The following SNTG1 variants were observed in gnomAD, a reference collection of about 807,000 sequenced individuals.
The protein encoded by SNTG1 is syntrophin gamma 1, also known as gamma-1-syntrophin.
In SNTG1, 39 loss-of-function variants were observed where a neutral mutation model predicts 74.7. The ratio of observed to expected loss-of-function variants is 0.52; its 90% confidence interval spans 0.40 to 0.68. The LOEUF (loss-of-function observed/expected upper bound fraction) is 0.68, where lower values mean the gene tolerates loss of function less well. Ranked by LOEUF, SNTG1 falls within the 30% of genes least tolerant of loss-of-function variation. The probability of loss-of-function intolerance (pLI) is 0.00; values close to 1 mark genes in which losing one functional copy is unlikely to be tolerated. For synonymous variants in SNTG1, 254 were observed against 217.1 expected (o/e 1.17, Z -1.49); for missense variants, 685 against 609.5 (o/e 1.12, Z -1.30).
chr8:49,958,281 C>T (rs564592658), intron 1 of SNTG1, among the ~76,000 whole-genome samples: 8 of 152,150 alleles, frequency 5.3e-5, no homozygotes, highest in South Asian at 2.1e-4. Context: ...CACATACCTG[C>T]GGACAGAATG....
intron 1 of SNTG1, among the ~76,000 whole-genome samples, chr8:50,148,776 C>A (rs1043570531): frequency 6.6e-6 from 1 of 152,200 alleles, no homozygotes; most frequent in Non-Finnish European, 1.5e-5. Context: ...ATATGTGCCA[C>A]ATTTTCTTAA....
At chr8:50,614,359 C>G (rs1296095359) in intron 13 of SNTG1, among the ~76,000 whole-genome samples, 2 of 151,814 alleles carry the variant, frequency 1.3e-5, no homozygotes, top group East Asian at 3.9e-4. Flanking sequence ...ATAAGAAGGC[C>G]TACAATTCCT....
At chr8:50,346,227 C>A (rs1483088982) in intron 2 of SNTG1, among the ~76,000 whole-genome samples, 1 of 152,246 alleles carries the variant, frequency 6.6e-6, no homozygotes. Flanking sequence ...ATTTTCCCAA[C>A]AGCATGTGCT....
chr8:50,478,837 G>A lies in SNTG1; in HGVS notation c.364-23941G>A, dbSNP rs145521605. On this transcript the variant is annotated intron_variant, in intron 8 of 18. Coordinates refer to ENST00000642720, the MANE Select transcript of SNTG1 (RefSeq NM_018967.5). Reference sequence around the variant, plus strand: ...TTCCATATATTTATTGAATAATTTTGTTGAATAAAATATTTCTCTTATAGG... The same window carrying A: ...TTCCATATATTTATTGAATAATTTTATTGAATAAAATATTTCTCTTATAGG... 6.3e-3 allele frequency among the ~76,000 whole-genome samples: 956 copies of A among 152,168 alleles called. 8 individuals carry two copies. The highest frequency in any genetic ancestry group is 7.5e-3 in the Non-Finnish European group (513 of 67,970).
chr8:50,580,823 G>A (rs1036052284), intron 12 of SNTG1, among the ~76,000 whole-genome samples: 5 of 152,142 alleles, frequency 3.3e-5, no homozygotes, highest in African/African-American at 1.2e-4. Context: ...AATAGAGTGA[G>A]AATGGACTAA....
intron 1 of SNTG1, among the ~76,000 whole-genome samples, chr8:50,047,347 T>A (rs1042711469): frequency 3.3e-5 from 5 of 151,694 alleles, no homozygotes; most frequent in South Asian, 2.1e-4. Context: ...AAAAAAAAAT[T>A]TTTAGTTCAA....
intron 1 of SNTG1, among the ~76,000 whole-genome samples, chr8:49,923,596 G>T (rs1806752378): frequency 6.6e-6 from 1 of 152,072 alleles, no homozygotes. Flanking sequence ...GTCCTAGGAG[G>T]AAGATGGCAC....
At chr8:50,486,888 T>A (rs2093800303) in intron 8 of SNTG1, among the ~76,000 whole-genome samples, 2 of 152,340 alleles carry the variant, frequency 1.3e-5, no homozygotes, top group South Asian at 4.1e-4. Context: ...CAAAGGCCTT[T>A]TCTGCATCTA....
intron 1 of SNTG1, among the ~76,000 whole-genome samples, chr8:50,029,803 T>A (rs965067902): frequency 6.6e-6 from 1 of 152,168 alleles, no homozygotes; most frequent in Non-Finnish European, 1.5e-5. Context: ...AGTGCTGCAA[T>A]AAACACAGGA....
At chr8:49,932,383 A>G (rs920545000) in intron 1 of SNTG1, among the ~76,000 whole-genome samples, 2 of 152,060 alleles carry the variant, frequency 1.3e-5, no homozygotes, top group African/African-American at 4.8e-5. Context: ...AAAAAATTGA[A>G]AGAACCCACA....
intron 1 of SNTG1, among the ~76,000 whole-genome samples, chr8:50,146,933 G>A (rs774933159): frequency 1.3e-5 from 2 of 151,150 alleles, no homozygotes; most frequent in African/African-American, 4.9e-5. Context: ...TCACATATAT[G>A]ATTTGCAAAT....
intron 13 of SNTG1, among the ~76,000 whole-genome samples, chr8:50,593,821 G>A (rs1311618815): frequency 1.3e-5 from 2 of 151,422 alleles, no homozygotes; most frequent in African/African-American, 4.9e-5. Flanking sequence ...TGGTTCGAGC[G>A]ATTCTCCTGC....
intron 17 of SNTG1, among the ~76,000 whole-genome samples, chr8:50,721,147 G>A (rs1185754142): frequency 1.3e-5 from 2 of 152,080 alleles, no homozygotes; most frequent in Non-Finnish European, 2.9e-5. Context: ...TTACAGTTTT[G>A]AATGGTCTGC....
chr8:50,219,825 A>G (rs750814784), intron 2 of SNTG1, among the ~76,000 whole-genome samples: 2 of 152,204 alleles, frequency 1.3e-5, no homozygotes, highest in African/African-American at 2.4e-5. Flanking sequence ...ACAAAGTAGC[A>G]AAGATTCCAG....
intron 1 of SNTG1, among the ~76,000 whole-genome samples, chr8:50,088,378 C>T (rs373872416): frequency 7.4e-6 from 1 of 135,444 alleles, no homozygotes; most frequent in South Asian, 2.6e-4. Context: ...CACTCCTATT[C>T]AACATAGTGT....
intron 9 of SNTG1, among the ~76,000 whole-genome samples, chr8:50,507,384 G>A (rs2094016223): frequency 6.6e-6 from 1 of 152,060 alleles, no homozygotes; most frequent in Non-Finnish European, 1.5e-5. Context: ...TTTTGAAAGA[G>A]TATGAGAAAG....
At chr8:50,374,274 T>C (rs2092329868) in intron 2 of SNTG1, among the ~76,000 whole-genome samples, 1 of 152,236 alleles carries the variant, frequency 6.6e-6, no homozygotes, top group Non-Finnish European at 1.5e-5. Flanking sequence ...GTTTCCTTAA[T>C]ATGTAAACAT....
rs1234023807 is a variant in SNTG1 at position 50,795,821 on chromosome 8, A to G, written c.*2992A>G. 6.6e-6 allele frequency: 1 copy of G among 152,122 alleles called. No individual in the cohort carries two copies. Among genetic ancestry groups the G allele is most frequent in the Admixed American group, 6.6e-5 (1 of 15,234 alleles). 9.4% of individuals were successfully genotyped at this position (152,122 alleles called of 1,614,324 possible). A position where few individuals can be genotyped will look rare whatever the true frequency, so the allele number is the denominator to read the frequency against. On this transcript the variant is annotated 3_prime_UTR_variant, in exon 19 of 19. Transcript: ENST00000642720. ...TGCAACAAGTATTTATTTAAAAAAT[A>G]GTTTAATAGATAGTGTAAGTGTAAT...
chr8:50,010,949 T>C (rs2130566337), intron 1 of SNTG1, among the ~76,000 whole-genome samples: 1 of 152,204 alleles, frequency 6.6e-6, no homozygotes, highest in African/African-American at 2.4e-5. Flanking sequence ...ATTTTAATGG[T>C]AGTGAAATAA....
Sources: allele counts gnomAD v4.1 joint callset (sites outside exome capture counted in the v4.1 genomes callset), GRCh38; gene constraint gnomAD v4.1.1; transcripts MANE v1.5; gene names NCBI Gene and HGNC (gene_info 2026-07-23, HGNC 2026-07-21).